COL5A2: variants seen among roughly 807,000 people sequenced by gnomAD.
The protein encoded by COL5A2 is collagen type V alpha 2 chain, also known as collagen alpha-2(V) chain.
In COL5A2, 23 loss-of-function variants were observed where a neutral mutation model predicts 208.2. The observed-to-expected ratio is 0.11, with a 90% CI of 0.08 to 0.16. COL5A2 has a LOEUF of 0.16. Among genes scored for constraint, COL5A2 ranks in the 10% least tolerant of loss-of-function variants. The probability of loss-of-function intolerance (pLI) is 1.00; values close to 1 mark genes in which losing one functional copy is unlikely to be tolerated. For synonymous variants in COL5A2, 625 were observed against 628.5 expected (o/e 0.99, Z 0.08); for missense variants, 1,590 against 1,956.4 (o/e 0.81, Z 3.53).
chr2:189,243,723 A>T, the COL5A2 span, among the ~76,000 whole-genome samples: 1 of 152,210 alleles, frequency 6.6e-6, no homozygotes, highest in East Asian at 1.9e-4. Context: ...AACTCATTTC[A>T]GCATTAATTC....
the COL5A2 span, among the ~76,000 whole-genome samples, chr2:189,379,785 GT>G: frequency 7.9e-5 from 12 of 152,132 alleles, no homozygotes; most frequent in African/African-American, 2.7e-4. Context: ...AGCACACACT[GT>G]TTTGATTTGG....
the COL5A2 span, among the ~76,000 whole-genome samples, chr2:189,278,442 A>G: frequency 2.0e-5 from 3 of 152,144 alleles, no homozygotes; most frequent in Non-Finnish European, 2.9e-5. Flanking sequence ...CGTATTGTAT[A>G]TCAGCAATCT....
intron 50 of COL5A2, among the ~76,000 whole-genome samples, chr2:189,041,312 T>C (rs2153506784): frequency 6.6e-6 from 1 of 152,370 alleles, no homozygotes; most frequent in South Asian, 2.1e-4. Flanking sequence ...AACATTTTCA[T>C]AACTTTAATT....
At chr2:189,075,494 C>A (rs1015668048) in intron 16 of COL5A2, 57 bp from the exon 17 acceptor site, 1 of 1,391,602 alleles carries the variant, frequency 7.2e-7, no homozygotes. Flanking sequence ...ACTATATTTT[C>A]TCTTATTTGC....
the COL5A2 span, among the ~76,000 whole-genome samples, chr2:189,231,400 A>G: frequency 2.5e-4 from 38 of 151,774 alleles, no homozygotes; most frequent in East Asian, 7.4e-3. Flanking sequence ...GAGAATAAAG[A>G]AAGAGAAAGG....
At chr2:189,248,436 A>G in the COL5A2 span, among the ~76,000 whole-genome samples, 1 of 152,208 alleles carries the variant, frequency 6.6e-6, no homozygotes, top group Non-Finnish European at 1.5e-5. Flanking sequence ...TTTATTTTGC[A>G]TGTACTTTCT....
chr2:189,089,872 C>T (rs931546705), intron 7 of COL5A2, among the ~76,000 whole-genome samples: 7 of 152,118 alleles, frequency 4.6e-5, no homozygotes, highest in African/African-American at 7.2e-5. Flanking sequence ...TTCTACCAAC[C>T]GGGTGTTCCC....
chr2:189,252,416 G>A, the COL5A2 span, among the ~76,000 whole-genome samples: 1 of 152,152 alleles, frequency 6.6e-6, no homozygotes, highest in African/African-American at 2.4e-5. Context: ...TATACACCAT[G>A]GAATACTATG....
intron 1 of COL5A2, among the ~76,000 whole-genome samples, chr2:189,165,331 A>C (rs1688443800): frequency 6.6e-6 from 1 of 152,172 alleles, no homozygotes; most frequent in South Asian, 2.1e-4. Flanking sequence ...ATATAAATAC[A>C]TAGTAAATGA....
At chr2:189,128,932 T>A (rs1207515597) in intron 1 of COL5A2, among the ~76,000 whole-genome samples, 1 of 151,958 alleles carries the variant, frequency 6.6e-6, no homozygotes, top group African/African-American at 2.4e-5. Flanking sequence ...AATCATCTGT[T>A]GTAAGGCAAA....
chr2:189,401,314 T>C, the COL5A2 span, among the ~76,000 whole-genome samples: 2 of 152,168 alleles, frequency 1.3e-5, no homozygotes, highest in Non-Finnish European at 2.9e-5. Context: ...GACCAGAAAG[T>C]ATTTGGTTTT....
chr2:189,150,275 G>A (rs1688118670), intron 1 of COL5A2, among the ~76,000 whole-genome samples: 1 of 152,056 alleles, frequency 6.6e-6, no homozygotes. Flanking sequence ...GACTTAACAG[G>A]CATTAAATTA....
the COL5A2 span, among the ~76,000 whole-genome samples, chr2:189,240,512 C>T: frequency 2.6e-5 from 4 of 152,190 alleles, no homozygotes; most frequent in Non-Finnish European, 2.9e-5. Context: ...GCTACACAAA[C>T]ATTTACTCTG....
the COL5A2 span, among the ~76,000 whole-genome samples, chr2:189,324,398 A>G: frequency 3.9e-5 from 6 of 152,172 alleles, no homozygotes; most frequent in African/African-American, 1.2e-4. Flanking sequence ...ATGGGAGAAA[A>G]TTTTTGCAAT....
the COL5A2 span, among the ~76,000 whole-genome samples, chr2:189,261,155 A>T: frequency 6.6e-6 from 1 of 152,188 alleles, no homozygotes; most frequent in Non-Finnish European, 1.5e-5. Context: ...CAATATAATC[A>T]TGCGGATTCC....
the COL5A2 span, among the ~76,000 whole-genome samples, chr2:189,274,563 C>T: frequency 6.6e-6 from 1 of 152,138 alleles, no homozygotes; most frequent in African/African-American, 2.4e-5. Flanking sequence ...AAAACACAGA[C>T]CTTTCTCTAG....
chr2:189,373,966 G>A, the COL5A2 span, among the ~76,000 whole-genome samples: 1 of 152,120 alleles, frequency 6.6e-6, no homozygotes. Flanking sequence ...GTGGGACAAT[G>A]TGCTCTTGAC....
At chr2:189,423,565 C>CA in the COL5A2 span, among the ~76,000 whole-genome samples, 1 of 151,414 alleles carries the variant, frequency 6.6e-6, no homozygotes, top group Admixed American at 6.6e-5. Flanking sequence ...CACATAAATA[C>CA]AAAGGATAAT....
the COL5A2 span, among the ~76,000 whole-genome samples, chr2:189,415,407 T>C: frequency 1.3e-5 from 2 of 152,162 alleles, no homozygotes; most frequent in African/African-American, 4.8e-5. Context: ...TAAACGATGG[T>C]CTTTTTTTTA....
Sources: gnomAD v4.1 joint callset for allele counts (sites outside exome capture counted in the v4.1 genomes callset) on GRCh38, gnomAD v4.1.1 for gene constraint, MANE v1.5 for transcripts, NCBI Gene and HGNC (gene_info 2026-07-23, HGNC 2026-07-21) for gene names.